Variants in OTUD7A observed in about 807,000 individuals in gnomAD.
OTUD7A encodes OTU domain-containing protein 7A.
OTUD7A carries 12 observed loss-of-function variants against 65.7 expected under a neutral mutation model. The observed-to-expected ratio is 0.18, with a 90% CI of 0.12 to 0.30. The LOEUF (loss-of-function observed/expected upper bound fraction) is 0.30, where lower values mean the gene tolerates loss of function less well. Among genes scored for constraint, OTUD7A ranks in the 10% least tolerant of loss-of-function variants. OTUD7A has a pLI of 1.00. For missense variants in OTUD7A, 1,148 were observed against 1,304.8 expected (o/e 0.88, Z 1.85); for synonymous variants, 641 against 586.3 (o/e 1.09, Z -1.35).
At chr15:31,629,608 A>G (rs1891077832) in intron 3 of OTUD7A, among the ~76,000 whole-genome samples, 1 of 152,214 alleles carries the variant, frequency 6.6e-6, no homozygotes, top group Non-Finnish European at 1.5e-5. Context: ...CTGGCCTCAT[A>G]AAATGAGTTA....
At chr15:31,702,484 T>C (rs1893234270) in intron 1 of OTUD7A, among the ~76,000 whole-genome samples, 1 of 151,194 alleles carries the variant, frequency 6.6e-6, no homozygotes, top group South Asian at 2.1e-4. Flanking sequence ...ATGTGGACAC[T>C]AACATTAAAA....
At chr15:31,548,787 G>C (rs1286831341) in intron 5 of OTUD7A, among the ~76,000 whole-genome samples, 1 of 152,082 alleles carries the variant, frequency 6.6e-6, no homozygotes, top group Non-Finnish European at 1.5e-5. Context: ...CAATCAAAGG[G>C]TATGATATCT....
chr15:31,860,677 G>GTATATATATATATATA (rs1555425282), intron 1 of OTUD7A, among the ~76,000 whole-genome samples: 2,219 of 73,154 alleles, frequency 0.03, 82 homozygotes, highest in East Asian at 0.086. Flanking sequence ...ATGTATGTGT[G>GTATATATATATATATA]TATATATATA....
At chr15:31,497,208 T>C (rs1359069199) in intron 10 of OTUD7A, among the ~76,000 whole-genome samples, 1 of 152,152 alleles carries the variant, frequency 6.6e-6, no homozygotes, top group Non-Finnish European at 1.5e-5. Flanking sequence ...ACAGGCTGTT[T>C]GTATATATGA....
At chr15:31,541,867 T>C (rs972018196) in intron 5 of OTUD7A, among the ~76,000 whole-genome samples, 2 of 152,166 alleles carry the variant, frequency 1.3e-5, no homozygotes, top group Non-Finnish European at 2.9e-5. Context: ...GAAATAATTT[T>C]GCTCTGGCAA....
intron 3 of OTUD7A, among the ~76,000 whole-genome samples, chr15:31,578,780 G>C (rs1394539591): frequency 6.6e-6 from 1 of 152,158 alleles, no homozygotes; most frequent in Non-Finnish European, 1.5e-5. Context: ...TCAAACTCCT[G>C]ACCTCAGGTG....
chr15:31,790,364 T>C (rs1595770583), intron 1 of OTUD7A, among the ~76,000 whole-genome samples: 1 of 152,358 alleles, frequency 6.6e-6, no homozygotes, highest in East Asian at 1.9e-4. Flanking sequence ...TTTGAGAACG[T>C]CTGCCCTGAT....
intron 5 of OTUD7A, among the ~76,000 whole-genome samples, chr15:31,540,005 A>G (rs560973208): frequency 6.6e-6 from 1 of 152,370 alleles, no homozygotes; most frequent in South Asian, 2.1e-4. Context: ...AGTTTTAAAA[A>G]TGGGTTGAAT....
At chr15:31,736,406 T>C (rs1285716467) in intron 1 of OTUD7A, among the ~76,000 whole-genome samples, 1 of 152,176 alleles carries the variant, frequency 6.6e-6, no homozygotes, top group African/African-American at 2.4e-5. Flanking sequence ...TTTAATATTT[T>C]CCATAGTTGA....
chr15:31,822,883 T>C (rs571380330), intron 1 of OTUD7A, among the ~76,000 whole-genome samples: 3 of 152,176 alleles, frequency 2.0e-5, no homozygotes, highest in Non-Finnish European at 4.4e-5. Context: ...AAGATCTCCA[T>C]AGACAATAAC....
At chr15:31,649,030 G>A (rs1485189108) in intron 3 of OTUD7A, among the ~76,000 whole-genome samples, 2 of 152,328 alleles carry the variant, frequency 1.3e-5, no homozygotes, top group Non-Finnish European at 2.9e-5. Flanking sequence ...CAAAGTGCTA[G>A]GATTACAGGC....
intron 6 of OTUD7A, among the ~76,000 whole-genome samples, chr15:31,529,312 C>A (rs2042055981): frequency 6.6e-6 from 1 of 152,156 alleles, no homozygotes; most frequent in Non-Finnish European, 1.5e-5. Context: ...TAAGACCCAA[C>A]TACTTAAAAT....
At chr15:31,612,406 T>G (rs558598318) in intron 3 of OTUD7A, among the ~76,000 whole-genome samples, 1 of 152,224 alleles carries the variant, frequency 6.6e-6, no homozygotes, top group Non-Finnish European at 1.5e-5. Context: ...CCCTGAAGAC[T>G]CCTCCAGAAA....
At chr15:31,536,210 G>C (rs1887797687) in intron 5 of OTUD7A, among the ~76,000 whole-genome samples, 1 of 152,230 alleles carries the variant, frequency 6.6e-6, no homozygotes. Flanking sequence ...ACTCATGGCT[G>C]CTTTTCAAAA....
At chr15:31,869,963 G>T (rs1255274652) in intron 1 of OTUD7A, among the ~76,000 whole-genome samples, 1 of 152,108 alleles carries the variant, frequency 6.6e-6, no homozygotes, top group East Asian at 1.9e-4. Flanking sequence ...GCTGTCCAGC[G>T]AGACCCAGCA....
In OTUD7A at chr15:31,483,822, A is replaced by C. The variant is rs1222441970; in HGVS notation, c.2274T>G (p.Arg758=). The C allele has an allele frequency of 3.0e-6, 3 of 987,004 alleles. No individual in the cohort carries two copies. Among genetic ancestry groups the C allele is most frequent in the African/African-American group, 1.8e-5 (1 of 54,962 alleles). The allele number at this position is 987,004 out of a possible 1,614,324, so 61.1% of individuals were successfully genotyped here. ...GTASPGGGAR[R]ASASGPVPGR... ...CAGGCACTGGTCCGCTGGCGCTCGC[A>C]CGCCGCGCGCCTCCCCCCGGGGAGG... The change falls in exon 13 of 13, where the codon CGT becomes CGG. Residue 758 remains arginine (R), a synonymous_variant. Coordinates refer to ENST00000307050, the MANE Select transcript of OTUD7A (RefSeq NM_001382637.1).
In OTUD7A at chr15:31,655,174, G is replaced by C. The variant is rs767434432; in HGVS notation, c.73C>G (p.Leu25Val). 5.2e-6 allele frequency: 8 copies of C among 1,551,394 alleles called. No individual in the cohort carries two copies. The Admixed American group carries it at 1.4e-4, about 26-fold the overall frequency. ...TCTGACAGGACTGCGTCCATATCAAGAGTCATAGGATCATGTAGAAGTGCT... is the reference window on the plus strand; with the variant it reads ...TCTGACAGGACTGCGTCCATATCAACAGTCATAGGATCATGTAGAAGTGCT... ...WAALLHDPMT[L>V]DMDAVLSDFV... The change falls in exon 3 of 13, where the codon CTT becomes GTT. Residue 25 changes from leucine (L) to valine (V), a missense_variant. Leu to Val is a conservative substitution (Grantham distance 32). Transcript: ENST00000307050.
chr15:31,766,780 T>C lies in OTUD7A; in HGVS notation c.-100+103727A>G. The C allele has an allele frequency of 5.0e-6, 8 of 1,612,910 alleles. No homozygotes were observed. The South Asian group carries it at 8.8e-5, about 18-fold the overall frequency. ...TTGAATATTTTCCTCTGAATGAAGA[T>C]TCAACAGGAATTCCTGTTTGGGCTT... On this transcript the variant is annotated intron_variant, in intron 1 of 12. Coordinates refer to ENST00000307050, the MANE Select transcript of OTUD7A (RefSeq NM_001382637.1).
At chr15:31,529,894 C>A (rs968270144) in intron 6 of OTUD7A, among the ~76,000 whole-genome samples, 16 of 152,162 alleles carry the variant, frequency 1.1e-4, no homozygotes, top group Admixed American at 9.2e-4. Context: ...TCCTCCAGGG[C>A]GGGTAAGAAC....
Sources: allele counts gnomAD v4.1 joint callset (sites outside exome capture counted in the v4.1 genomes callset), GRCh38; gene constraint gnomAD v4.1.1; transcripts MANE v1.5; gene names NCBI Gene and HGNC (gene_info 2026-07-23, HGNC 2026-07-21).